The following KCNIP4 variants were observed in gnomAD, a reference collection of about 807,000 sequenced individuals.
The protein encoded by KCNIP4 is potassium voltage-gated channel interacting protein 4.
KCNIP4 carries 12 observed loss-of-function variants against 34.0 expected under a neutral mutation model. The ratio of observed to expected loss-of-function variants is 0.35; its 90% CI spans 0.23 to 0.57. The LOEUF (loss-of-function observed/expected upper bound fraction) is 0.57, where lower values mean the gene tolerates loss of function less well. Ranked by LOEUF, KCNIP4 falls within the 20% of genes least tolerant of loss-of-function variation. The pLI is 0.83. For missense variants in KCNIP4, 238 were observed against 311.7 expected (o/e 0.76, Z 1.78); for synonymous variants, 124 against 102.2 (o/e 1.21, Z -1.29).
intron 5 of KCNIP4, 39 bp downstream of exon 5, chr4:20,749,623 C>T (rs748198574): frequency 7.0e-7 from 1 of 1,427,164 alleles, no homozygotes; most frequent in East Asian, 2.3e-5. Flanking sequence ...AGACTAAACT[C>T]TAAATAGTCA....
chr4:21,296,872 T>C (rs1227222119), intron 1 of KCNIP4, among the ~76,000 whole-genome samples: 1 of 151,904 alleles, frequency 6.6e-6, no homozygotes, highest in Non-Finnish European at 1.5e-5. Context: ...ATCTGTGGGA[T>C]GGTGGCACCA....
chr4:21,360,259 T>A (rs1239384370), intron 1 of KCNIP4, among the ~76,000 whole-genome samples: 1 of 152,092 alleles, frequency 6.6e-6, no homozygotes. Context: ...ACAAAAATAA[T>A]TTTGATAAAT....
chr4:21,606,486 T>A (rs1335560041), intron 1 of KCNIP4, among the ~76,000 whole-genome samples: 1 of 152,204 alleles, frequency 6.6e-6, no homozygotes, highest in Non-Finnish European at 1.5e-5. Flanking sequence ...AGAAGTCTGA[T>A]GTGGGTCTCA....
In KCNIP4 at chr4:20,732,006, T is replaced by A; in HGVS notation, c.705A>T (p.Lys235Asn). 7 of 1,613,434 alleles carry A rather than the reference T, an allele frequency of 4.3e-6. No individual in the cohort carries two copies. The highest frequency in any genetic ancestry group is 5.9e-6 in the Non-Finnish European group (7 of 1,179,716). Residue 235 changes from lysine (K) to asparagine (N), a missense_variant and splice_region_variant, in exon 8 of 9, where the codon AAA (lysine) becomes AAT (asparagine). Lys to Asn is a moderately conservative substitution (Grantham distance 94, BLOSUM62 0). Coordinates refer to ENST00000382152, the MANE Select transcript of KCNIP4 (RefSeq NM_025221.6). The stretch of plus-strand genomic sequence containing the variant: ...TAGTTATTACACTTTCATTACTTAC[T>A]TTTTGGCAGCTTTCAATGAACTCAT... ...TIDEFIESCQ[K>N]DENIMRSMQL...
intron 1 of KCNIP4, among the ~76,000 whole-genome samples, chr4:21,869,758 A>C: frequency 6.6e-6 from 1 of 150,412 alleles, no homozygotes; most frequent in Non-Finnish European, 1.5e-5. Flanking sequence ...AGATAGATAG[A>C]TAGATAGATA....
intron 1 of KCNIP4, among the ~76,000 whole-genome samples, chr4:21,399,757 A>G (rs576819473): frequency 2.0e-4 from 30 of 152,202 alleles, no homozygotes; most frequent in African/African-American, 6.3e-4. Flanking sequence ...CACAGGTTCA[A>G]GCAATTCTCC....
intron 1 of KCNIP4, among the ~76,000 whole-genome samples, chr4:21,102,127 T>C (rs1196077655): frequency 6.6e-6 from 1 of 152,180 alleles, no homozygotes; most frequent in Non-Finnish European, 1.5e-5. Context: ...GACAATGTAA[T>C]ACGATGTAGG....
At chr4:21,472,446 G>T (rs544962479) in intron 1 of KCNIP4, among the ~76,000 whole-genome samples, 15 of 152,212 alleles carry the variant, frequency 9.9e-5, no homozygotes, top group East Asian at 1.9e-4. Flanking sequence ...TGTGTGTGTG[G>T]GGGGGTTAAT....
chr4:21,023,103 T>TA (rs1215172739), intron 1 of KCNIP4, among the ~76,000 whole-genome samples: 4 of 152,084 alleles, frequency 2.6e-5, no homozygotes, highest in East Asian at 1.9e-4. Flanking sequence ...GATAAGTTTT[T>TA]ATCCCATAAT....
At chr4:20,942,157 C>A (rs768363938) in intron 1 of KCNIP4, among the ~76,000 whole-genome samples, 1 of 152,186 alleles carries the variant, frequency 6.6e-6, no homozygotes, top group Non-Finnish European at 1.5e-5. Context: ...ATAATGGAAA[C>A]GTTTGGCTGG....
In KCNIP4 at chr4:21,074,739, A is replaced by G. The variant is rs531605890; in HGVS notation, c.62-192030T>C. ...TTTTAATTGTGATGTTAGGGTGTCA[A>G]TTTTGGATCTTTCCTGCTTTCTCTT... is the stretch of plus-strand genomic sequence containing the variant. On this transcript the variant is annotated intron_variant, in intron 1 of 8. Coordinates refer to ENST00000382152, the MANE Select transcript of KCNIP4 (RefSeq NM_025221.6). 4.6e-5 allele frequency among the ~76,000 whole-genome samples: 7 copies of G among 151,908 alleles called. No individual in the cohort carries two copies. The East Asian group carries it at 1.4e-3, about 30-fold the overall frequency.
At chr4:21,204,127 C>T (rs2108961173) in intron 1 of KCNIP4, among the ~76,000 whole-genome samples, 1 of 152,228 alleles carries the variant, frequency 6.6e-6, no homozygotes, top group South Asian at 2.1e-4. Flanking sequence ...TGGCTGCTGC[C>T]TCTACTCACT....
intron 1 of KCNIP4, among the ~76,000 whole-genome samples, chr4:21,183,689 C>T (rs1755012275): frequency 6.6e-6 from 1 of 152,026 alleles, no homozygotes; most frequent in Non-Finnish European, 1.5e-5. Flanking sequence ...AATGGTATCT[C>T]ATTGTTCCCC....
At chr4:20,758,307 TGAAA>T (rs1754652505) in intron 4 of KCNIP4, among the ~76,000 whole-genome samples, 2 of 152,142 alleles carry the variant, frequency 1.3e-5, no homozygotes, top group Non-Finnish European at 2.9e-5. Flanking sequence ...AAAGAATTAC[TGAAA>T]GAAAGAGGAA....
At chr4:21,532,779 C>G (rs1019519783) in intron 1 of KCNIP4, among the ~76,000 whole-genome samples, 2 of 151,980 alleles carry the variant, frequency 1.3e-5, no homozygotes, top group Non-Finnish European at 2.9e-5. Flanking sequence ...GTTAAGCCTG[C>G]TAACTGAAAC....
intron 1 of KCNIP4, among the ~76,000 whole-genome samples, chr4:21,636,473 C>A (rs1266759401): frequency 1.3e-5 from 2 of 152,192 alleles, no homozygotes; most frequent in Non-Finnish European, 2.9e-5. Flanking sequence ...GAAGAGCTGC[C>A]AAGACCCAGG....
chr4:21,802,765 C>T (rs1207449338), intron 1 of KCNIP4, among the ~76,000 whole-genome samples: 1 of 152,254 alleles, frequency 6.6e-6, no homozygotes, highest in South Asian at 2.1e-4. Flanking sequence ...AATAAAGACA[C>T]GGTTCCAATA....
chr4:21,708,631 G>A (rs554487826), intron 1 of KCNIP4, among the ~76,000 whole-genome samples: 1 of 152,252 alleles, frequency 6.6e-6, no homozygotes, highest in African/African-American at 2.4e-5. Context: ...AGGCTGGGAT[G>A]TGGTCTTGGT....
At chr4:21,580,283 T>C (rs1741110308) in intron 1 of KCNIP4, among the ~76,000 whole-genome samples, 1 of 152,108 alleles carries the variant, frequency 6.6e-6, no homozygotes, top group East Asian at 1.9e-4. Flanking sequence ...TTGAGTATTA[T>C]TGACCTATGT....
Sources: allele counts gnomAD v4.1 joint callset (sites outside exome capture counted in the v4.1 genomes callset), GRCh38; gene constraint gnomAD v4.1.1; transcripts MANE v1.5; gene names NCBI Gene and HGNC (gene_info 2026-07-23, HGNC 2026-07-21).